CCDC71: variants seen among roughly 807,000 people sequenced by gnomAD.
CCDC71 encodes coiled-coil domain containing 71, also known as coiled-coil domain-containing protein 71.
For synonymous variants in CCDC71, 257 were observed against 242.2 expected, an observed-to-expected ratio of 1.06 and a Z score of -0.57; for missense variants, 594 against 604.0, an observed-to-expected ratio of 0.98 and a Z score of 0.17.
chr3:49,165,694 T>C (rs962910547), intron 1 of CCDC71, among the ~76,000 whole-genome samples: 3 of 152,282 alleles, frequency 2.0e-5, no homozygotes, highest in Admixed American at 2.0e-4. Context: ...TCTTTATTAA[T>C]GTTTTTTGAA....
At position 49,163,066 on chromosome 3, in the gene CCDC71, G is replaced by T. The variant is rs753684993; in HGVS notation, c.1143C>A (p.Asn381Lys). The T allele has an allele frequency of 6.2e-7, 1 of 1,614,258 alleles. No individual in the cohort carries two copies. The highest frequency in any genetic ancestry group is 8.5e-7 in the Non-Finnish European group (1 of 1,180,054). ...TCTTCTGCCCAACAGTCTCAGGGCG[G>T]TTTTTCTGGCCCTTCCTTGTAGTTC... ...KARTTRKGQKNRPETVGQKRK... is the reference protein window; with the variant it reads ...KARTTRKGQKKRPETVGQKRK... The change falls in exon 2 of 2, where the codon AAC becomes AAA. Residue 381 changes from asparagine to lysine, a missense_variant. Physicochemically the swap from Asn to Lys is moderately conservative, Grantham distance 94. Coordinates refer to ENST00000321895, the MANE Select transcript of CCDC71 (RefSeq NM_022903.4).
chr3:49,163,205 A>C lies in CCDC71; in HGVS notation c.1004T>G (p.Val335Gly). 6.4e-7 allele frequency: 1 copy of C among 1,572,208 alleles called. No individual in the cohort carries two copies. Among genetic ancestry groups the C allele is most frequent in the Non-Finnish European group, 8.7e-7 (1 of 1,149,874 alleles). ...CTTGGCCTTGGCCCATGCTGCCATG[A>C]CTTTGGCCTTGGCCTTGACCTGTGC... The part of the protein sequence containing the change: ...KAAQVKAKAK[V>G]MAAWAKAKAK... Residue 335 changes from valine to glycine, a missense_variant, in exon 2 of 2, where the codon GTC (valine) becomes GGC (glycine). Transcript: ENST00000321895.
chr3:49,163,061 G>C lies in CCDC71; in HGVS notation c.1148C>G (p.Pro383Arg). 6.2e-7 allele frequency: 1 copy of C among 1,614,262 alleles called. No individual in the cohort carries two copies. Among genetic ancestry groups the C allele is most frequent in the South Asian group, 1.1e-5 (1 of 91,088 alleles). The stretch of plus-strand genomic sequence containing the variant: ...TTTCCTCTTCTGCCCAACAGTCTCA[G>C]GGCGGTTTTTCTGGCCCTTCCTTGT... Reference protein sequence around the residue: ...RTTRKGQKNRPETVGQKRKRA... With the variant: ...RTTRKGQKNRRETVGQKRKRA... Residue 383 changes from proline (P) to arginine (R), a missense_variant, in exon 2 of 2, where the codon CCT (proline) becomes CGT (arginine). Physicochemically the swap from Pro to Arg is moderately radical, Grantham distance 103 (BLOSUM62 -2). Coordinates refer to ENST00000321895, the MANE Select transcript of CCDC71 (RefSeq NM_022903.4).
In CCDC71 at chr3:49,162,698, G is replaced by T; in HGVS notation, c.*107C>A. ...CTGGTGGTCACCAGGGCCCTAGAGA[G>T]GCACCGGGAGTCCTCAAGATTGTGG... On this transcript the variant is annotated 3_prime_UTR_variant, in exon 2 of 2. Transcript: ENST00000321895. 1 of 989,494 alleles carries T rather than the reference G, an allele frequency of 1.0e-6. No homozygotes were observed. The highest frequency in any genetic ancestry group is 1.3e-6 in the Non-Finnish European group (1 of 747,574). The allele number at this position is 989,494 out of a possible 1,614,324, so 61.3% of individuals were successfully genotyped here.
intron 1 of CCDC71, among the ~76,000 whole-genome samples, chr3:49,164,859 C>G (rs898942178): frequency 6.6e-6 from 1 of 152,150 alleles, no homozygotes; most frequent in Non-Finnish European, 1.5e-5. Flanking sequence ...GATCTGGGAT[C>G]TAGGTGAAAA....
rs745578417 is a variant in CCDC71 at position 49,163,912 on chromosome 3, T to C, written c.297A>G (p.Pro99=). 37 of 1,614,064 alleles carry C rather than the reference T, an allele frequency of 2.3e-5. No homozygotes were observed. The highest frequency in any genetic ancestry group is 8.3e-5 in the Admixed American group (5 of 59,996). ...RAPNPTATSP[P]ASAPRTAMRL... is the part of the protein sequence containing the mutation. The stretch of plus-strand genomic sequence containing the variant: ...GCATGGCAGTTCGGGGAGCACTGGC[T>C]GGAGGTGATGTGGCAGTTGGGTTAG... Residue 99 remains proline (P), a synonymous_variant, in exon 2 of 2, where the codon CCA becomes CCG. Coordinates refer to ENST00000321895, the MANE Select transcript of CCDC71 (RefSeq NM_022903.4).
In CCDC71 at chr3:49,163,143, C is replaced by T. The variant is rs772244980; in HGVS notation, c.1066G>A (p.Ala356Thr). 81 of 1,614,036 alleles carry T rather than the reference C, an allele frequency of 5.0e-5. No individual in the cohort carries two copies. In the Admixed American group the frequency reaches 8.5e-4, roughly 17 times the overall value. Residue 356 changes from alanine (A) to threonine (T), a missense_variant, in exon 2 of 2, where the codon GCT (alanine) becomes ACT (threonine). By Grantham distance (58) the Ala-to-Thr change is moderately conservative. Transcript: ENST00000321895. Reference protein sequence around the residue: ...AKAVRAKAKVARTQPRGRGRP... With the variant: ...AKAVRAKAKVTRTQPRGRGRP... ...CCTCTGCCCCTGGGCTGGGTCCGAG[C>T]CACCTTGGCCTTGGCCCGTACTGCC...
In CCDC71 at chr3:49,166,196, C is replaced by T. The variant is rs1051022440; in HGVS notation, c.-53+71G>A. The T allele has an allele frequency of 5.9e-5, 9 of 152,054 alleles. No homozygotes were observed. The South Asian group carries it at 1.9e-3, about 32-fold the overall frequency. 9.4% of individuals were successfully genotyped at this position (152,054 alleles called of 1,614,324 possible). A position where few individuals can be genotyped will look rare whatever the true frequency, so the allele number is the denominator to read the frequency against. ...ACGCGGGTCCGGGAAGAGTTGGCCG[C>T]TTGCCCGTCCGCCCTGCCGCCTCGC... is the stretch of plus-strand genomic sequence containing the variant. On this transcript the variant is annotated intron_variant, in intron 1 of 1. Transcript: ENST00000321895. The surrounding 1 kb of genome is among the most constrained non-coding windows in gnomAD (Gnocchi z 4.0).
intron 1 of CCDC71, among the ~76,000 whole-genome samples, chr3:49,165,282 A>G (rs2045716322): frequency 6.6e-6 from 1 of 152,232 alleles, no homozygotes; most frequent in Non-Finnish European, 1.5e-5. Flanking sequence ...GCACTGTCCT[A>G]CCTAAGACTT....
chr3:49,165,571 G>A (rs1209100914), intron 1 of CCDC71, among the ~76,000 whole-genome samples: 1 of 152,252 alleles, frequency 6.6e-6, no homozygotes, highest in African/African-American at 2.4e-5. Context: ...ATACCCTGGA[G>A]GAAATGCCCT....
At chr3:49,164,321 T>A in intron 1 of CCDC71, 61 bp from the exon 2 acceptor site, 1 of 983,748 alleles carries the variant, frequency 1.0e-6, no homozygotes, top group African/African-American at 1.6e-5. Context: ...CCAGAACACA[T>A]AGACAAGTCA....
rs149866653 is a variant in CCDC71, at chr3:49,164,019, T to C, written c.190A>G (p.Ile64Val). ...CCATAGACATCACCACTGCGCAGGATGGTAGGTTGGAAGCCATCATCTCGC... is the reference window on the plus strand; with the variant it reads ...CCATAGACATCACCACTGCGCAGGACGGTAGGTTGGAAGCCATCATCTCGC... ...GLRDDGFQPT[I>V]LRSGDVYGYS... Residue 64 changes from isoleucine to valine, a missense_variant, in exon 2 of 2, where the codon ATC (isoleucine) becomes GTC (valine). By Grantham distance (29) the Ile-to-Val change is conservative (BLOSUM62 3). Coordinates refer to ENST00000321895, the MANE Select transcript of CCDC71 (RefSeq NM_022903.4). 21 of 1,614,024 alleles carry C rather than the reference T, an allele frequency of 1.3e-5. No homozygotes were observed. Among genetic ancestry groups the C allele is most frequent in the South Asian group, 9.9e-5 (9 of 91,074 alleles).
rs749910459 is a variant in CCDC71, at chr3:49,164,022, T to C, written c.187A>G (p.Thr63Ala). The change falls in exon 2 of 2, where the codon ACC becomes GCC. Residue 63 changes from threonine (T) to alanine (A), a missense_variant. By Grantham distance (58) the Thr-to-Ala change is moderately conservative. Transcript: ENST00000321895. ...QGLRDDGFQP[T>A]ILRSGDVYGY... is the part of the protein sequence containing the mutation. ...TAGACATCACCACTGCGCAGGATGG[T>C]AGGTTGGAAGCCATCATCTCGCAGG... 6.2e-7 allele frequency: 1 copy of C among 1,613,926 alleles called. No individual in the cohort carries two copies. Among genetic ancestry groups the C allele is most frequent in the Non-Finnish European group, 8.5e-7 (1 of 1,179,964 alleles).
Position 49,163,861 on chromosome 3 carries a change from C to G in CCDC71, c.348G>C (p.Leu116=). 6.2e-7 allele frequency: 1 copy of G among 1,614,180 alleles called. No individual in the cohort carries two copies. The highest frequency in any genetic ancestry group is 8.5e-7 in the Non-Finnish European group (1 of 1,180,038). ...GTCTGCCAGATAGCGGCATGGGAAG[C>G]AGTGTGGCCCGACCTGCAGGCAACC... ...AMRLPAGRAT[L]LPMPLSGRLA... The change falls in exon 2 of 2, where the codon CTG becomes CTC. Residue 116 remains leucine (L), a synonymous_variant. Coordinates refer to ENST00000321895, the MANE Select transcript of CCDC71 (RefSeq NM_022903.4).
In CCDC71 at chr3:49,162,722, G is replaced by T. The variant is rs2045697740; in HGVS notation, c.*83C>A. On this transcript the variant is annotated 3_prime_UTR_variant, in exon 2 of 2. Coordinates refer to ENST00000321895, the MANE Select transcript of CCDC71 (RefSeq NM_022903.4). ...AGGCACCGGGAGTCCTCAAGATTGT[G>T]GAGTCCACGGACATAGCACACTGTG... 3 of 1,318,462 alleles carry T rather than the reference G, an allele frequency of 2.3e-6. No individual in the cohort carries two copies. Among genetic ancestry groups the T allele is most frequent in the South Asian group, 1.4e-5 (1 of 72,696 alleles). 81.7% of individuals were successfully genotyped at this position (1,318,462 alleles called of 1,614,324 possible). A position where few individuals can be genotyped will look rare whatever the true frequency, so the allele number is the denominator to read the frequency against.
chr3:49,163,708 T>C lies in CCDC71; in HGVS notation c.501A>G (p.Pro167=). ...AGAGCCGCATGGCAGGGTAGACACC[T>C]GGATAAAGGTGGGTGGGGAAGCCCA... ...AAVGFPTHLY[P]GVYPAMRLSV... The change falls in exon 2 of 2, where the codon CCA becomes CCG. Residue 167 remains proline (P), a synonymous_variant. Coordinates refer to ENST00000321895, the MANE Select transcript of CCDC71 (RefSeq NM_022903.4). 6.2e-7 allele frequency: 1 copy of C among 1,613,868 alleles called. No homozygotes were observed. Among genetic ancestry groups the C allele is most frequent in the Non-Finnish European group, 8.5e-7 (1 of 1,179,968 alleles).
At chr3:49,164,402 G>T in intron 1 of CCDC71, 142 bp from the exon 2 acceptor site, 1 of 616,580 alleles carries the variant, frequency 1.6e-6, no homozygotes, top group South Asian at 2.0e-5. Flanking sequence ...TAAAACCCTG[G>T]TCTCCTGACC....
In CCDC71 at chr3:49,162,876, G is replaced by A; in HGVS notation, c.1333C>T (p.Gln445Ter). The change falls in exon 2 of 2, where the codon CAG becomes TAG. Residue 445 changes from glutamine to a stop codon, truncating the protein, a stop_gained. Transcript: ENST00000321895. LOFTEE classifies it high-confidence loss of function. ...SSDDEVRQRA[Q>*]RILRVNLSPV... Reference sequence around the variant, plus strand: ...GACAGGTTCACGCGGAGGATCCGCTGAGCCCGCTGCCGCACCTCATCATCC... The same window carrying A: ...GACAGGTTCACGCGGAGGATCCGCTAAGCCCGCTGCCGCACCTCATCATCC... The A allele has an allele frequency of 6.2e-7, 1 of 1,614,168 alleles. No homozygotes were observed. Among genetic ancestry groups the A allele is most frequent in the Non-Finnish European group, 8.5e-7 (1 of 1,180,042 alleles).
At position 49,163,898 on chromosome 3, in the gene CCDC71, C is replaced by T. The variant is rs778252386; in HGVS notation, c.311G>A (p.Arg104Gln). ...ACCTGCAGGCAACCGCATGGCAGTTCGGGGAGCACTGGCTGGAGGTGATGT... is the reference window on the plus strand; with the variant it reads ...ACCTGCAGGCAACCGCATGGCAGTTTGGGGAGCACTGGCTGGAGGTGATGT... Reference protein sequence around the residue: ...TATSPPASAPRTAMRLPAGRA... With the variant: ...TATSPPASAPQTAMRLPAGRA... The change falls in exon 2 of 2, where the codon CGA (arginine) becomes CAA (glutamine). Residue 104 changes from arginine (R) to glutamine (Q), a missense_variant. Coordinates refer to ENST00000321895, the MANE Select transcript of CCDC71 (RefSeq NM_022903.4). 191 of 1,614,028 alleles carry T rather than the reference C, an allele frequency of 1.2e-4. No individual in the cohort carries two copies. In the Admixed American group the frequency reaches 3.1e-3, roughly 26 times the overall value.
Sources: allele counts gnomAD v4.1 joint callset (sites outside exome capture counted in the v4.1 genomes callset), GRCh38; gene constraint gnomAD v4.1.1; non-coding constraint Gnocchi (gnomAD v3.1); transcripts MANE v1.5; gene names NCBI Gene and HGNC (gene_info 2026-07-23, HGNC 2026-07-21).